PREX1: variants seen among roughly 807,000 people sequenced by gnomAD.
PREX1 encodes phosphatidylinositol-3,4,5-trisphosphate dependent Rac exchange factor 1, also known as phosphatidylinositol 3,4,5-trisphosphate-dependent Rac exchanger 1 protein.
PREX1 carries 41 observed loss-of-function variants against 198.3 expected under a neutral mutation model. The ratio of observed to expected loss-of-function variants is 0.21; its 90% CI spans 0.16 to 0.27. The LOEUF is 0.27. PREX1 is among the 10% of genes least tolerant of loss of function. The pLI is 1.00. For missense variants in PREX1, 1,620 were observed against 2,200.7 expected (o/e 0.74, Z 5.28); for synonymous variants, 843 against 887.2 (o/e 0.95, Z 0.89).
At chr20:48,647,060 T>C (rs1429171931) in intron 25 of PREX1, among the ~76,000 whole-genome samples, 2 of 151,716 alleles carry the variant, frequency 1.3e-5, no homozygotes, top group East Asian at 2.0e-4. Flanking sequence ...TGAGACCGCA[T>C]CTCTGTAACA....
At chr20:48,762,402 C>T (rs1021839083) in intron 1 of PREX1, among the ~76,000 whole-genome samples, 1 of 152,176 alleles carries the variant, frequency 6.6e-6, no homozygotes, top group Non-Finnish European at 1.5e-5. Context: ...TCAGCAGCTT[C>T]CCTGCCCTCT....
intron 15 of PREX1, among the ~76,000 whole-genome samples, chr20:48,662,914 G>A (rs1398482537): frequency 6.6e-6 from 1 of 152,288 alleles, no homozygotes; most frequent in Admixed American, 6.5e-5. Context: ...ATAGCAGCTG[G>A]GGAGGACCCC....
intron 10 of PREX1, 55 bp downstream of exon 10, chr20:48,688,602 C>T: frequency 6.2e-7 from 1 of 1,608,310 alleles, no homozygotes; most frequent in African/African-American, 1.3e-5. Flanking sequence ...GATGATCTGC[C>T]CCACCTCCAG....
chr20:48,797,169 T>TC (rs1212576036), intron 1 of PREX1, among the ~76,000 whole-genome samples: 1 of 151,980 alleles, frequency 6.6e-6, no homozygotes, highest in Non-Finnish European at 1.5e-5. Flanking sequence ...AATTCTATCA[T>TC]CCCCCTTTAC....
chr20:48,795,721 CTG>C (rs1053151150), intron 1 of PREX1, among the ~76,000 whole-genome samples: 4 of 152,102 alleles, frequency 2.6e-5, no homozygotes, highest in African/African-American at 9.7e-5. Flanking sequence ...GGGCCTGAAA[CTG>C]TGTAAAACAA....
intron 21 of PREX1, among the ~76,000 whole-genome samples, chr20:48,652,266 CT>C (rs1246995234): frequency 7.2e-6 from 1 of 138,484 alleles, no homozygotes; most frequent in Non-Finnish European, 1.6e-5. Flanking sequence ...GACCTCATCT[CT>C]AAAAAAAAAA....
At chr20:48,803,265 G>A (rs2090395516) in intron 1 of PREX1, among the ~76,000 whole-genome samples, 1 of 152,074 alleles carries the variant, frequency 6.6e-6, no homozygotes, top group African/African-American at 2.4e-5. Flanking sequence ...ACCAGAAAAA[G>A]CACTGAGGCC....
At chr20:48,687,866 T>C (rs1380524898) in intron 10 of PREX1, among the ~76,000 whole-genome samples, 1 of 152,136 alleles carries the variant, frequency 6.6e-6, no homozygotes, top group African/African-American at 2.4e-5. Context: ...AGTTATAAAA[T>C]GGGGCTGTAT....
rs1043508294 is a variant in PREX1, at chr20:48,653,423, C to T, written c.2284G>A (p.Asp762Asn). Residue 762 changes from aspartate to asparagine, a missense_variant, in exon 20 of 40, where the codon GAT (aspartate) becomes AAT (asparagine). Physicochemically the swap from Asp to Asn is conservative, Grantham distance 23. Transcript: ENST00000371941. ...TGCTCCAGGACCTCAGGGGCACCATCGTTCATCACGTTGCTGCCATTGACC... is the reference window on the plus strand; with the variant it reads ...TGCTCCAGGACCTCAGGGGCACCATTGTTCATCACGTTGCTGCCATTGACC... ...LKVNGSNVMN[D>N]GAPEVLEHFQ... 1.4e-5 allele frequency: 22 copies of T among 1,613,862 alleles called. No homozygotes were observed. Among genetic ancestry groups the T allele is most frequent in the Middle Eastern group, 1.6e-4 (1 of 6,084 alleles).
At chr20:48,868,178 G>A in the PREX1 span, among the ~76,000 whole-genome samples, 1 of 152,204 alleles carries the variant, frequency 6.6e-6, no homozygotes, top group Admixed American at 6.5e-5. Flanking sequence ...AGACACTGGT[G>A]CTTGGAGCCA....
intron 11 of PREX1, among the ~76,000 whole-genome samples, chr20:48,679,956 C>A (rs994952853): frequency 2.6e-5 from 4 of 152,158 alleles, no homozygotes; most frequent in African/African-American, 4.8e-5. Flanking sequence ...CCATTTTGCA[C>A]ATGAGGATAC....
In PREX1 at chr20:48,636,619, G is replaced by A. The variant is rs6019332; in HGVS notation, c.4011C>T (p.Thr1337=). The A allele has an allele frequency of 6.2e-7, 1 of 1,611,682 alleles. No homozygotes were observed. Among genetic ancestry groups the A allele is most frequent in the Non-Finnish European group, 8.5e-7 (1 of 1,179,588 alleles). The change falls in exon 32 of 40, where the codon ACC becomes ACT. Residue 1337 remains threonine, a synonymous_variant. Coordinates refer to ENST00000371941, the MANE Select transcript of PREX1 (RefSeq NM_020820.4). ...FCQALVAAVC[T]FSKQLLAALG... ...GGGCCGCCAGCAGCTGCTTGGAGAA[G>A]GTGCACACGGCGGCCACCAGGGCCT... is the stretch of plus-strand genomic sequence containing the variant.
At chr20:48,643,022 C>T (rs2089425774) in intron 27 of PREX1, among the ~76,000 whole-genome samples, 1 of 152,148 alleles carries the variant, frequency 6.6e-6, no homozygotes, top group African/African-American at 2.4e-5. Context: ...CACAAGACTG[C>T]AGTGACAGTG....
intron 2 of PREX1, among the ~76,000 whole-genome samples, chr20:48,745,895 C>A (rs1568848179): frequency 6.6e-6 from 1 of 152,238 alleles, no homozygotes; most frequent in Non-Finnish European, 1.5e-5. Context: ...GTTTCGTAGA[C>A]AGAGGCCAGG....
At chr20:48,722,097 A>T (rs2089988884) in intron 5 of PREX1, among the ~76,000 whole-genome samples, 1 of 152,156 alleles carries the variant, frequency 6.6e-6, no homozygotes. Flanking sequence ...TCCGGGCTGA[A>T]GTCATCCAGG....
intron 14 of PREX1, among the ~76,000 whole-genome samples, chr20:48,669,726 C>T (rs1202267643): frequency 2.0e-5 from 3 of 152,190 alleles, no homozygotes. Context: ...TTGAATGAGA[C>T]ACTCTGTGCA....
chr20:48,802,171 C>T (rs116326711), intron 1 of PREX1, among the ~76,000 whole-genome samples: 2,012 of 152,128 alleles, frequency 0.013, 35 homozygotes, highest in African/African-American at 0.046. Flanking sequence ...ACTTTCTTCA[C>T]GGTAGCCAGG....
In PREX1 at chr20:48,792,747, C is replaced by T. The variant is rs796703343; in HGVS notation, c.219+34895G>A. On this transcript the variant is annotated intron_variant, in intron 1 of 39. Transcript: ENST00000371941. ...ATCCATATAATGGAATATGATACAG[C>T]CATAAAAAAGGAATGAAATTCTGAC... 1.4e-4 allele frequency among the ~76,000 whole-genome samples: 20 copies of T among 145,338 alleles called. No individual in the cohort carries two copies. In the South Asian group the frequency reaches 2.6e-3, roughly 19 times the overall value.
chr20:48,787,656 A>T (rs1247578906), intron 1 of PREX1, among the ~76,000 whole-genome samples: 1 of 152,048 alleles, frequency 6.6e-6, no homozygotes, highest in African/African-American at 2.4e-5. Flanking sequence ...AAAACAAAAA[A>T]ACATTTTTGC....
Sources: allele counts gnomAD v4.1 joint callset (sites outside exome capture counted in the v4.1 genomes callset), GRCh38; gene constraint gnomAD v4.1.1; transcripts MANE v1.5; gene names NCBI Gene and HGNC (gene_info 2026-07-23, HGNC 2026-07-21).